PKIB: variants seen among roughly 807,000 people sequenced by gnomAD.
PKIB encodes the protein cAMP-dependent protein kinase inhibitor beta, also known as PKI-beta.
PKIB carries 2 observed loss-of-function variants against 4.5 expected under a neutral mutation model. The observed-to-expected ratio is 0.44, with a 90% confidence interval of 0.18 to 1.39. PKIB has a LOEUF of 1.39. PKIB is among the 40% of genes most tolerant of loss of function. PKIB has a pLI of 0.27. For synonymous variants in PKIB, 38 were observed against 36.0 expected, an observed-to-expected ratio of 1.06 and a Z score of -0.20; for missense variants, 94 against 92.6, an observed-to-expected ratio of 1.02 and a Z score of -0.06.
intron 3 of PKIB, among the ~76,000 whole-genome samples, chr6:122,704,177 C>A (rs1459942153): frequency 6.6e-6 from 1 of 152,044 alleles, no homozygotes; most frequent in East Asian, 1.9e-4. Flanking sequence ...GAAAGAAATT[C>A]TCCTTCTCTC....
chr6:122,707,397 A>G (rs929952345), intron 3 of PKIB, among the ~76,000 whole-genome samples: 3 of 152,112 alleles, frequency 2.0e-5, no homozygotes, highest in East Asian at 3.9e-4. Flanking sequence ...AAAAAAATGA[A>G]TATTATATTC....
chr6:122,562,066 C>T (rs765124528), intron 2 of PKIB, among the ~76,000 whole-genome samples: 1 of 104,096 alleles, frequency 9.6e-6, no homozygotes, highest in East Asian at 3.5e-4. Flanking sequence ...GTGATTTATG[C>T]TTTAAAGAGG....
intron 1 of PKIB, among the ~76,000 whole-genome samples, chr6:122,613,959 CAAAAAAAAA>C (rs67112737): frequency 2.6e-5 from 2 of 77,402 alleles, no homozygotes; most frequent in Admixed American, 1.6e-4. Context: ...GAGACTCCAT[CAAAAAAAAA>C]AAAAAAAAAA....
intron 2 of PKIB, among the ~76,000 whole-genome samples, chr6:122,494,422 C>T (rs1487126440): frequency 2.0e-5 from 3 of 152,132 alleles, no homozygotes; most frequent in Non-Finnish European, 4.4e-5. Flanking sequence ...TTTTTGTTGT[C>T]ACAGTAACTG....
At chr6:122,514,974 T>C (rs1474139861) in intron 2 of PKIB, among the ~76,000 whole-genome samples, 3 of 152,210 alleles carry the variant, frequency 2.0e-5, no homozygotes, top group Non-Finnish European at 4.4e-5. Context: ...CAAGAGTAAA[T>C]GGTACAGTTT....
Position 122,504,249 on chromosome 6 carries a change from T to C in PKIB, c.-248+26310T>C, listed in dbSNP as rs558820382. On this transcript the variant is annotated intron_variant, in intron 2 of 6. Transcript: ENST00000392491. ...TGAATTATTTCCTTAAATAAAGTTTTTGCTTCTTTCTCTTTCTGGTTCTTC... is the reference window on the plus strand; with the variant it reads ...TGAATTATTTCCTTAAATAAAGTTTCTGCTTCTTTCTCTTTCTGGTTCTTC... Among the ~76,000 whole-genome samples the C allele has an allele frequency of 3.9e-5, 6 of 152,338 alleles. No individual in the cohort carries two copies. The South Asian group carries it at 1.2e-3, about 32-fold the overall frequency.
At chr6:122,712,818 G>C (rs1163222200) in intron 3 of PKIB, among the ~76,000 whole-genome samples, 1 of 152,148 alleles carries the variant, frequency 6.6e-6, no homozygotes, top group Admixed American at 6.5e-5. Flanking sequence ...AAGGAAGCTT[G>C]AGAAAATAAT....
chr6:122,474,593 A>G (rs1398582914), intron 1 of PKIB, among the ~76,000 whole-genome samples: 3 of 152,240 alleles, frequency 2.0e-5, no homozygotes, highest in Non-Finnish European at 4.4e-5. Flanking sequence ...CAGAGCATGA[A>G]TGCTCTGTGT....
intron 3 of PKIB, among the ~76,000 whole-genome samples, chr6:122,604,487 A>C (rs1183526005): frequency 6.6e-6 from 1 of 152,222 alleles, no homozygotes; most frequent in Non-Finnish European, 1.5e-5. Flanking sequence ...ACCAATTATG[A>C]AAATTAGAAA....
At chr6:122,587,596 T>C (rs944414940) in intron 3 of PKIB, among the ~76,000 whole-genome samples, 21 of 152,150 alleles carry the variant, frequency 1.4e-4, no homozygotes, top group Admixed American at 1.3e-4. Flanking sequence ...CCTGAGGAAT[T>C]GTCACACTGA....
chr6:122,617,372 T>A (rs1400907884), intron 1 of PKIB, among the ~76,000 whole-genome samples: 1 of 152,186 alleles, frequency 6.6e-6, no homozygotes, highest in Non-Finnish European at 1.5e-5. Context: ...TAGATCTGGG[T>A]CAGCTCCCTG....
intron 2 of PKIB, among the ~76,000 whole-genome samples, chr6:122,657,450 T>G (rs1174400527): frequency 2.0e-5 from 3 of 152,208 alleles, no homozygotes; most frequent in African/African-American, 7.2e-5. Flanking sequence ...ACAATTATGT[T>G]AGTGTAATAA....
chr6:122,711,943 G>A lies in PKIB; in HGVS notation c.-8-5844G>A, dbSNP rs190611777. Among the ~76,000 whole-genome samples the A allele has an allele frequency of 1.5e-4, 23 of 152,138 alleles. No individual in the cohort carries two copies. In the East Asian group the frequency reaches 2.3e-3, roughly 15 times the overall value. On this transcript the variant is annotated intron_variant, in intron 3 of 4. Transcript: ENST00000368452. The stretch of plus-strand genomic sequence containing the variant: ...AGAACATAAACATTAAAAAATGTGC[G>A]TGTCAACAAACCAAAGGTAGGGTTC...
chr6:122,570,728 A>G (rs1305246506), intron 2 of PKIB, among the ~76,000 whole-genome samples: 1 of 152,208 alleles, frequency 6.6e-6, no homozygotes, highest in Non-Finnish European at 1.5e-5. Flanking sequence ...AAGAGGGAAA[A>G]AAAGAAATTA....
intron 2 of PKIB, among the ~76,000 whole-genome samples, chr6:122,548,719 C>T (rs1562247522): frequency 1.3e-5 from 2 of 152,086 alleles, no homozygotes; most frequent in Admixed American, 1.3e-4. Context: ...ATTTAAATTA[C>T]ATTGTTCAGA....
chr6:122,573,088 T>TAAAG (rs369467644), intron 2 of PKIB, among the ~76,000 whole-genome samples: 11 of 152,118 alleles, frequency 7.2e-5, no homozygotes, highest in African/African-American at 2.4e-4. Context: ...TTCGAAAAGA[T>TAAAG]AAAGAGGGAA....
intron 2 of PKIB, among the ~76,000 whole-genome samples, chr6:122,562,011 T>TG (rs1773046809): frequency 6.9e-6 from 1 of 144,922 alleles, no homozygotes; most frequent in East Asian, 2.0e-4. Flanking sequence ...TTTGTTTTTT[T>TG]TTTTTTTTGC....
chr6:122,592,703 G>C (rs1362870112), intron 3 of PKIB, among the ~76,000 whole-genome samples: 2 of 152,140 alleles, frequency 1.3e-5, no homozygotes, highest in Admixed American at 6.6e-5. Context: ...AAGAAGCTTT[G>C]TTAACCTAGA....
chr6:122,547,954 A>G (rs1165293647), intron 2 of PKIB, among the ~76,000 whole-genome samples: 2 of 152,160 alleles, frequency 1.3e-5, no homozygotes, highest in African/African-American at 4.8e-5. Context: ...GCACATCCAT[A>G]TACCTTACAC....
Sources: allele counts gnomAD v4.1 joint callset (sites outside exome capture counted in the v4.1 genomes callset), GRCh38; gene constraint gnomAD v4.1.1; transcripts MANE v1.5; gene names NCBI Gene and HGNC (gene_info 2026-07-23, HGNC 2026-07-21).